The following GNPTAB variants were observed in gnomAD, a reference collection of about 807,000 sequenced individuals.
GNPTAB encodes the protein N-acetylglucosamine-1-phosphate transferase subunits alpha and beta.
Under a neutral mutation model 136.6 loss-of-function variants are expected in GNPTAB, and 92 were observed. The ratio of observed to expected loss-of-function variants is 0.67; its 90% CI spans 0.57 to 0.80. The LOEUF is 0.80. Among genes scored for constraint, GNPTAB ranks in the 30% least tolerant of loss-of-function variants. The probability of loss-of-function intolerance (pLI) is 0.00; values close to 1 mark genes in which losing one functional copy is unlikely to be tolerated. For synonymous variants in GNPTAB, 512 were observed against 535.1 expected, an observed-to-expected ratio of 0.96 and a Z score of 0.60; for missense variants, 1,343 against 1,501.8, an observed-to-expected ratio of 0.89 and a Z score of 1.75.
At chr12:101,779,368 C>G (rs775491494) in intron 7 of GNPTAB, 2 of 152,308 alleles carry the variant, frequency 1.3e-5, no homozygotes, top group Non-Finnish European at 2.9e-5. Context: ...GACAGAATAG[C>G]AGGCATCTTG....
chr12:101,777,711 G>A (rs1008874835), intron 7 of GNPTAB, among the ~76,000 whole-genome samples: 3 of 152,172 alleles, frequency 2.0e-5, no homozygotes, highest in South Asian at 2.1e-4. Flanking sequence ...GGTTGGGAAC[G>A]CAGTGATAGG....
chr12:101,799,153 C>T (rs535063481), intron 1 of GNPTAB, among the ~76,000 whole-genome samples: 1 of 152,032 alleles, frequency 6.6e-6, no homozygotes, highest in East Asian at 1.9e-4. Flanking sequence ...TGCGCTTTAA[C>T]GTGGGTCCAG....
chr12:101,827,584 A>G (rs1454403145), intron 1 of GNPTAB, among the ~76,000 whole-genome samples: 1 of 152,126 alleles, frequency 6.6e-6, no homozygotes, highest in African/African-American at 2.4e-5. Flanking sequence ...CGAAGTTTGG[A>G]TGAATATAGA....
At chr12:101,796,802 A>C in intron 1 of GNPTAB, 40 bp from the exon 2 acceptor site, 2 of 1,249,556 alleles carry the variant, frequency 1.6e-6, no homozygotes, top group Non-Finnish European at 2.3e-6. Flanking sequence ...CGCATCAAAG[A>C]CTAAGAGTAT....
intron 1 of GNPTAB, among the ~76,000 whole-genome samples, chr12:101,806,269 A>C (rs1869927979): frequency 6.7e-6 from 1 of 148,750 alleles, no homozygotes; most frequent in Admixed American, 6.7e-5. Context: ...CCATGTAAAC[A>C]CAGACAAACA....
intron 1 of GNPTAB, among the ~76,000 whole-genome samples, chr12:101,801,593 A>C (rs922696009): frequency 6.6e-6 from 1 of 150,786 alleles, no homozygotes; most frequent in African/African-American, 2.4e-5. Context: ...AAAAAGAGCA[A>C]GGCCTTAAGG....
chr12:101,751,675 G>C (rs1160492909), intron 19 of GNPTAB, among the ~76,000 whole-genome samples: 4 of 152,208 alleles, frequency 2.6e-5, no homozygotes, highest in Non-Finnish European at 4.4e-5. Context: ...ACATTACTAT[G>C]TTCTCATCTG....
intron 12 of GNPTAB, 183 bp from the exon 13 acceptor site, chr12:101,765,487 AT>A: frequency 3.3e-6 from 2 of 598,814 alleles, no homozygotes; most frequent in Non-Finnish European, 5.9e-6. Flanking sequence ...TAATTTTAGT[AT>A]ATGTGCTGCT....
chr12:101,814,302 A>G (rs1240214483), intron 1 of GNPTAB, among the ~76,000 whole-genome samples: 1 of 151,142 alleles, frequency 6.6e-6, no homozygotes, highest in Non-Finnish European at 1.5e-5. Context: ...CCTGTCTTGA[A>G]AAAAAAAAAT....
At chr12:101,757,176 T>C (rs1202853726) in intron 18 of GNPTAB, 36 bp downstream of exon 18, 2 of 1,110,014 alleles carry the variant, frequency 1.8e-6, no homozygotes, top group East Asian at 2.4e-5. Flanking sequence ...TTCAGGTTTA[T>C]TTGCATAATT....
In GNPTAB at chr12:101,830,742, C is replaced by T. The variant is rs1210372404; in HGVS notation, c.-67G>A. The T allele has an allele frequency of 1.9e-6, 2 of 1,029,212 alleles. No homozygotes were observed. Among genetic ancestry groups the T allele is most frequent in the African/African-American group, 1.7e-5 (1 of 60,334 alleles). The allele number at this position is 1,029,212 out of a possible 1,614,324, so 63.8% of individuals were successfully genotyped here. ...GCCGCCGCCGCCGCCGCCGCCTCAG[C>T]GAGCCGCCATTCAGGGGCCCCGGTC... On this transcript the variant is annotated 5_prime_UTR_variant, in exon 1 of 21. Transcript: ENST00000299314.
chr12:101,817,604 A>G (rs2137182180), intron 1 of GNPTAB, among the ~76,000 whole-genome samples: 1 of 152,196 alleles, frequency 6.6e-6, no homozygotes, highest in East Asian at 1.9e-4. Context: ...TAAAAATATC[A>G]CATGTACTCC....
Position 101,753,352 on chromosome 12 carries a change from T to C in GNPTAB, c.3602+20A>G, listed in dbSNP as rs1166536518. 2 of 1,593,158 alleles carry C rather than the reference T, an allele frequency of 1.3e-6. No homozygotes were observed. Among genetic ancestry groups the C allele is most frequent in the East Asian group, 2.2e-5 (1 of 44,768 alleles). On this transcript the variant is annotated intron_variant, in intron 19 of 20. Transcript: ENST00000299314. ...ATACACTCACCCACACACATGCATA[T>C]ATAAAACATGAGAATTTACCATTCC...
chr12:101,795,889 T>C (rs564874466), intron 2 of GNPTAB: 38 of 214,972 alleles, frequency 1.8e-4, no homozygotes, highest in Non-Finnish European at 2.6e-4. Context: ...TGATTCATTT[T>C]ATCTGCAAAA....
At chr12:101,767,245 A>G (rs888653433) in intron 11 of GNPTAB, among the ~76,000 whole-genome samples, 12 of 152,224 alleles carry the variant, frequency 7.9e-5, no homozygotes, top group African/African-American at 2.9e-4. Context: ...ATAATGAATA[A>G]TGCTCTATAA....
At chr12:101,829,187 T>TA (rs1171203844) in intron 1 of GNPTAB, among the ~76,000 whole-genome samples, 5 of 152,106 alleles carry the variant, frequency 3.3e-5, no homozygotes, top group African/African-American at 7.2e-5. Context: ...GAAAAGGATA[T>TA]AAAATGAAAA....
At chr12:101,764,051 T>G (rs868217971) in intron 13 of GNPTAB, 151 bp downstream of exon 13, 1 of 986,750 alleles carries the variant, frequency 1.0e-6, no homozygotes, top group Non-Finnish European at 1.5e-6. Flanking sequence ...ATTAGGGTTA[T>G]TGGGTAAATT....
intron 1 of GNPTAB, among the ~76,000 whole-genome samples, chr12:101,814,783 T>TA (rs1372239106): frequency 6.6e-6 from 1 of 152,148 alleles, no homozygotes; most frequent in Non-Finnish European, 1.5e-5. Context: ...TTTTCAAAAA[T>TA]AAAAAAAGTG....
At position 101,785,890 on chromosome 12, in the gene GNPTAB, T is replaced by G. The variant is rs1868613674; in HGVS notation, c.571+122A>C. On this transcript the variant is annotated intron_variant, in intron 5 of 20. Coordinates refer to ENST00000299314, the MANE Select transcript of GNPTAB (RefSeq NM_024312.5). ...CAATAGCAGCTGTTTTGCTTCTCTTTGTGCATTTTTAGAAAAGTTTATCAG... is the reference window on the plus strand; with the variant it reads ...CAATAGCAGCTGTTTTGCTTCTCTTGGTGCATTTTTAGAAAAGTTTATCAG... 3.8e-6 allele frequency: 3 copies of G among 784,080 alleles called. No homozygotes were observed. The Admixed American group carries it at 7.5e-5, about 19-fold the overall frequency. 48.6% of individuals were successfully genotyped at this position (784,080 alleles called of 1,614,324 possible).
Sources: allele counts gnomAD v4.1 joint callset (sites outside exome capture counted in the v4.1 genomes callset), GRCh38; gene constraint gnomAD v4.1.1; transcripts MANE v1.5; gene names NCBI Gene and HGNC (gene_info 2026-07-23, HGNC 2026-07-21).